Variants in GABRA2 observed in about 807,000 individuals in gnomAD.
GABRA2 encodes the protein gamma-aminobutyric acid type A receptor subunit alpha2.
Under a neutral mutation model 48.7 loss-of-function variants are expected in GABRA2, and 16 were observed. That is an observed-to-expected ratio of 0.33 (90% confidence interval 0.22 to 0.50). The LOEUF is 0.50. Ranked by LOEUF, GABRA2 falls within the 20% of genes least tolerant of loss-of-function variation. GABRA2 has a pLI of 0.98. For missense variants in GABRA2, 275 were observed against 535.6 expected, an observed-to-expected ratio of 0.51 and a Z score of 4.80; for synonymous variants, 185 against 184.5, an observed-to-expected ratio of 1.00 and a Z score of -0.02.
At chr4:46,360,625 G>A (rs1390988121) in intron 3 of GABRA2, among the ~76,000 whole-genome samples, 1 of 152,210 alleles carries the variant, frequency 6.6e-6, no homozygotes. Context: ...TACCAGTAGA[G>A]TGGGGTGCTC....
intron 7 of GABRA2, among the ~76,000 whole-genome samples, chr4:46,304,922 T>TGAA: frequency 2.6e-5 from 1 of 38,774 alleles, no homozygotes; most frequent in Non-Finnish European, 6.2e-5. Context: ...AGACTCTGTC[T>TGAA]CAAAAAAAAA....
At chr4:46,322,688 A>C (rs1343840894) in intron 4 of GABRA2, among the ~76,000 whole-genome samples, 2 of 152,026 alleles carry the variant, frequency 1.3e-5, no homozygotes, top group Admixed American at 6.6e-5. Context: ...TACTTGGAAC[A>C]TAGGAAATAA....
chr4:46,370,283 A>G (rs948744345), intron 3 of GABRA2, among the ~76,000 whole-genome samples: 5 of 152,124 alleles, frequency 3.3e-5, no homozygotes, highest in African/African-American at 1.2e-4. Flanking sequence ...TGGGAAAATT[A>G]AAAGGTAATA....
chr4:46,385,997 A>G (rs1717398458), intron 3 of GABRA2, 77 bp downstream of exon 3: 1 of 807,606 alleles, frequency 1.2e-6, no homozygotes, highest in African/African-American at 1.8e-5. Flanking sequence ...ATATAAAAGT[A>G]TTAAAATAGG....
Position 46,279,277 on chromosome 4 carries a change from G to A in GABRA2, c.857-17149C>T, listed in dbSNP as rs543580454. ...ATTTGCTCTTGCTAACTTAACTCCC[G>A]TTGAATTGATGAATGTAGGTGTTTA... On this transcript the variant is annotated intron_variant, in intron 8 of 9. Transcript: ENST00000381620. Among the ~76,000 whole-genome samples, 160 of 152,154 alleles carry A rather than the reference G, an allele frequency of 1.1e-3. 2 individuals are homozygous for A. The South Asian group carries it at 0.029, about 28-fold the overall frequency.
At chr4:46,342,262 T>C (rs537147077) in intron 3 of GABRA2, among the ~76,000 whole-genome samples, 149 of 152,210 alleles carry the variant, frequency 9.8e-4, no homozygotes, top group Non-Finnish European at 2.0e-3. Flanking sequence ...TCAAGAGTAC[T>C]GAGAAGGTTG....
chr4:46,278,453 G>T (rs1720918407), intron 8 of GABRA2, among the ~76,000 whole-genome samples: 1 of 151,936 alleles, frequency 6.6e-6, no homozygotes, highest in African/African-American at 2.4e-5. Flanking sequence ...TTCATTCCTG[G>T]TGCAATATTC....
intron 8 of GABRA2, among the ~76,000 whole-genome samples, chr4:46,284,218 T>C (rs1182305753): frequency 1.3e-5 from 2 of 152,180 alleles, no homozygotes; most frequent in African/African-American, 2.4e-5. Context: ...ATCACAATTA[T>C]GTTTTTTATA....
chr4:46,388,418 G>A (rs1717771845), intron 2 of GABRA2, among the ~76,000 whole-genome samples: 1 of 152,080 alleles, frequency 6.6e-6, no homozygotes, highest in Non-Finnish European at 1.5e-5. Flanking sequence ...TGAATGTTCT[G>A]CATGGAAAGT....
intron 5 of GABRA2, among the ~76,000 whole-genome samples, chr4:46,312,152 G>A (rs750356594): frequency 1.1e-4 from 17 of 151,804 alleles, no homozygotes; most frequent in Admixed American, 2.0e-4. Flanking sequence ...AATTTTGATG[G>A]GATATCTGAT....
At chr4:46,252,121 C>T (rs1714890239) in intron 9 of GABRA2, among the ~76,000 whole-genome samples, 1 of 151,342 alleles carries the variant, frequency 6.6e-6, no homozygotes, top group Non-Finnish European at 1.5e-5. Context: ...AAAAGGAGCT[C>T]TGAAAGCCCA....
rs1295167452 is a variant in GABRA2, at chr4:46,312,374, A to G, written c.476+122T>C. ...AACATTTGCAAAGCATATTATTGGTACTTCAATAATCTGTTAGAAAACACT... is the reference window on the plus strand; with the variant it reads ...AACATTTGCAAAGCATATTATTGGTGCTTCAATAATCTGTTAGAAAACACT... On this transcript the variant is annotated intron_variant, in intron 5 of 9. Coordinates refer to ENST00000381620, the MANE Select transcript of GABRA2 (RefSeq NM_000807.4). 17 of 607,952 alleles carry G rather than the reference A, an allele frequency of 2.8e-5. No homozygotes were observed. The East Asian group carries it at 5.1e-4, about 18-fold the overall frequency. The allele number at this position is 607,952 out of a possible 1,614,324, so 37.7% of individuals were successfully genotyped here.
In GABRA2 at chr4:46,250,477, G is replaced by A; in HGVS notation, c.1187C>T (p.Pro396Leu). Residue 396 changes from proline to leucine, a missense_variant, in exon 10 of 10, where the codon CCC (proline) becomes CTC (leucine). Pro to Leu is a moderately conservative substitution (Grantham distance 98, BLOSUM62 -3). Coordinates refer to ENST00000381620, the MANE Select transcript of GABRA2 (RefSeq NM_000807.4). The stretch of plus-strand genomic sequence containing the variant: ...TGGCTTGTTTTCTGGCTTCTTGTTG[G>A]GTTCTGGCGTGGTTGCACTCTTGGA... Reference protein sequence around the residue: ...TISKSATTPEPNKKPENKPAE... With the variant: ...TISKSATTPELNKKPENKPAE... The A allele has an allele frequency of 6.2e-7, 1 of 1,612,136 alleles. No individual in the cohort carries two copies. Among genetic ancestry groups the A allele is most frequent in the Non-Finnish European group, 8.5e-7 (1 of 1,178,714 alleles).
intron 3 of GABRA2, among the ~76,000 whole-genome samples, chr4:46,361,581 G>A (rs1713194539): frequency 6.6e-6 from 1 of 152,172 alleles, no homozygotes; most frequent in Admixed American, 6.5e-5. Flanking sequence ...TGTAGGGTTG[G>A]AGCCACCAAA....
At chr4:46,389,560 G>T in intron 1 of GABRA2, 175 bp downstream of exon 1, 2 of 413,208 alleles carry the variant, frequency 4.8e-6, no homozygotes, top group Non-Finnish European at 6.5e-6. Context: ...TATGCTTCTG[G>T]TGATAAGTAT....
At chr4:46,295,147 C>T (rs1724399998) in intron 8 of GABRA2, among the ~76,000 whole-genome samples, 1 of 152,204 alleles carries the variant, frequency 6.6e-6, no homozygotes, top group South Asian at 2.1e-4. Context: ...TGGACAGCTG[C>T]AGCACTGCAG....
rs72160209 is a variant in GABRA2, at chr4:46,264,986, C to CATAT, written c.857-2862_857-2859dup. ...CAATTGTTCCCAGAATTACTTTATA[C>CATAT]ATATATATATATATATGTATAAAGA... On this transcript the variant is annotated intron_variant, in intron 8 of 9. Coordinates refer to ENST00000381620, the MANE Select transcript of GABRA2 (RefSeq NM_000807.4). Among the ~76,000 whole-genome samples, 105 of 107,526 alleles carry CATAT rather than the reference C, an allele frequency of 9.8e-4. 4 individuals are homozygous for CATAT. The highest frequency in any genetic ancestry group is 3.0e-3 in the African/African-American group (98 of 32,164). The allele number at this position is 107,526 out of a possible 152,430, so 70.5% of individuals were successfully genotyped here.
chr4:46,346,317 A>T (rs911218541), intron 3 of GABRA2, among the ~76,000 whole-genome samples: 3 of 151,882 alleles, frequency 2.0e-5, no homozygotes, highest in Non-Finnish European at 4.4e-5. Flanking sequence ...GTCAACATAC[A>T]TTTGATAAAA....
At chr4:46,278,724 T>G (rs551168321) in intron 8 of GABRA2, among the ~76,000 whole-genome samples, 189 of 152,260 alleles carry the variant, frequency 1.2e-3, no homozygotes, top group African/African-American at 3.9e-3. Context: ...TCAAGGACTA[T>G]ATGAAGAAGC....
Sources: allele counts gnomAD v4.1 joint callset (sites outside exome capture counted in the v4.1 genomes callset), GRCh38; gene constraint gnomAD v4.1.1; transcripts MANE v1.5; gene names NCBI Gene and HGNC (gene_info 2026-07-23, HGNC 2026-07-21).